Variants in CAPZB observed in about 807,000 individuals in gnomAD.
CAPZB encodes capping actin protein of muscle Z-line subunit beta, also known as F-actin-capping protein subunit beta.
A neutral mutation model predicts 38.1 loss-of-function variants in CAPZB; 2 were observed. That is an observed-to-expected ratio of 0.05 (90% confidence interval 0.02 to 0.17). The LOEUF (loss-of-function observed/expected upper bound fraction) is 0.17, where lower values mean the gene tolerates loss of function less well. Among genes scored for constraint, CAPZB ranks in the 10% least tolerant of loss-of-function variants. The pLI is 1.00. For missense variants in CAPZB, 161 were observed against 334.2 expected (o/e 0.48, Z 4.04); for synonymous variants, 107 against 127.4 (o/e 0.84, Z 1.08).
At chr1:19,362,083 G>A (rs2094056021) in intron 4 of CAPZB, among the ~76,000 whole-genome samples, 1 of 152,172 alleles carries the variant, frequency 6.6e-6, no homozygotes, top group Non-Finnish European at 1.5e-5. Flanking sequence ...GGGAGGAATG[G>A]GCCCAGGACT....
At chr1:19,458,937 G>A (rs2094541812) in intron 1 of CAPZB, among the ~76,000 whole-genome samples, 1 of 152,198 alleles carries the variant, frequency 6.6e-6, no homozygotes, top group South Asian at 2.1e-4. Flanking sequence ...AGGTGGAGAG[G>A]GCACCTCCAT....
intron 1 of CAPZB, among the ~76,000 whole-genome samples, chr1:19,479,228 A>C (rs1026326420): frequency 6.6e-6 from 1 of 152,168 alleles, no homozygotes; most frequent in Non-Finnish European, 1.5e-5. Flanking sequence ...AAACAAAAAA[A>C]AACTAGCTTC....
intron 1 of CAPZB, among the ~76,000 whole-genome samples, chr1:19,463,032 T>G (rs549659825): frequency 6.6e-6 from 1 of 152,358 alleles, no homozygotes; most frequent in East Asian, 1.9e-4. Context: ...GAAGATATCA[T>G]TAATGTGTAA....
chr1:19,428,714 T>C (rs1382910296), intron 1 of CAPZB, among the ~76,000 whole-genome samples: 2 of 152,140 alleles, frequency 1.3e-5, no homozygotes, highest in African/African-American at 4.8e-5. Context: ...TAAACCTGGA[T>C]CTTCTTCGTG....
At chr1:19,383,972 G>T (rs1053331016) in intron 3 of CAPZB, among the ~76,000 whole-genome samples, 2 of 152,078 alleles carry the variant, frequency 1.3e-5, no homozygotes, top group African/African-American at 2.4e-5. Flanking sequence ...ACTCTAGTCT[G>T]TGGTCTGAAG....
At chr1:19,419,807 A>G (rs906039070) in intron 1 of CAPZB, 57 bp from the exon 2 acceptor site, 1 of 1,024,658 alleles carries the variant, frequency 9.8e-7, no homozygotes, top group Non-Finnish European at 1.5e-6. Flanking sequence ...AATATCAAAA[A>G]CTCCTTTTAA....
rs547266126 is a variant in CAPZB at position 19,363,695 on chromosome 1, T to C, written c.330-6132A>G. Among the ~76,000 whole-genome samples, 64 of 152,256 alleles carry C rather than the reference T, an allele frequency of 4.2e-4. 2 individuals carry two copies. The South Asian group carries it at 0.013, about 31-fold the overall frequency. Reference sequence around the variant, plus strand: ...GTGGGGTGGAAACGTGCTCGGGGAATCTGAGCTGTAACTATGAATGACCCA... The same window carrying C: ...GTGGGGTGGAAACGTGCTCGGGGAACCTGAGCTGTAACTATGAATGACCCA... On this transcript the variant is annotated intron_variant, in intron 4 of 8. Transcript: ENST00000264202.
chr1:19,368,540 A>T (rs2094103194), intron 4 of CAPZB, among the ~76,000 whole-genome samples: 2 of 149,930 alleles, frequency 1.3e-5, no homozygotes, highest in Admixed American at 1.3e-4. Flanking sequence ...GAGTTAAAAA[A>T]GGAACCCGCT....
chr1:19,353,662 C>A (rs978421392), intron 6 of CAPZB, among the ~76,000 whole-genome samples: 4 of 152,206 alleles, frequency 2.6e-5, no homozygotes, highest in Admixed American at 6.5e-5. Flanking sequence ...ACTGGCAGAG[C>A]CACCTTCTGA....
At chr1:19,472,815 T>C (rs910866522) in intron 1 of CAPZB, among the ~76,000 whole-genome samples, 5 of 146,932 alleles carry the variant, frequency 3.4e-5, no homozygotes, top group African/African-American at 1.3e-4. Context: ...CCTCCTGGGT[T>C]CACGCCATTC....
intron 1 of CAPZB, among the ~76,000 whole-genome samples, chr1:19,445,529 C>T (rs2094493133): frequency 6.6e-6 from 1 of 152,168 alleles, no homozygotes; most frequent in African/African-American, 2.4e-5. Flanking sequence ...GATCTCACCA[C>T]CTAGAGACTC....
chr1:19,470,334 C>A (rs756030780), intron 1 of CAPZB, among the ~76,000 whole-genome samples: 1 of 152,170 alleles, frequency 6.6e-6, no homozygotes, highest in African/African-American at 2.4e-5. Context: ...CCTATGTACC[C>A]CATAAACATG....
chr1:19,443,436 T>A (rs114458471), intron 1 of CAPZB, among the ~76,000 whole-genome samples: 3,322 of 152,190 alleles, frequency 0.022, 66 homozygotes, highest in Middle Eastern at 0.048. Context: ...TTCCTTTTTT[T>A]AAAATAAGAC....
intron 1 of CAPZB, among the ~76,000 whole-genome samples, chr1:19,449,567 C>G (rs1057154943): frequency 6.6e-6 from 1 of 152,052 alleles, no homozygotes; most frequent in African/African-American, 2.4e-5. Context: ...ACGGGCAGAT[C>G]ACTTGAGATC....
chr1:19,401,490 G>A (rs1205996456), intron 2 of CAPZB, among the ~76,000 whole-genome samples: 1 of 151,954 alleles, frequency 6.6e-6, no homozygotes, highest in Non-Finnish European at 1.5e-5. Context: ...CACTCTTGCT[G>A]GGAATGAAGC....
In CAPZB at chr1:19,481,126, A is replaced by G. The variant is rs142246953; in HGVS notation, c.3+4310T>C. 2.1e-3 allele frequency among the ~76,000 whole-genome samples: 321 copies of G among 152,302 alleles called. 5 individuals are homozygous for G. The South Asian group carries it at 0.024, about 12-fold the overall frequency. On this transcript the variant is annotated intron_variant, in intron 1 of 8. Transcript: ENST00000264202. ...TCTTGTACTATGCTGCCTCCAGCCT[A>G]AAGTTGAACCTACCTTGTCAGGCTG...
chr1:19,464,436 T>C (rs997042415), intron 1 of CAPZB, among the ~76,000 whole-genome samples: 2 of 151,312 alleles, frequency 1.3e-5, no homozygotes, highest in African/African-American at 4.9e-5. Context: ...GGACTACAGG[T>C]GCCCGCCACC....
At chr1:19,443,350 C>T (rs1315212856) in intron 1 of CAPZB, among the ~76,000 whole-genome samples, 3 of 152,154 alleles carry the variant, frequency 2.0e-5, no homozygotes, top group African/African-American at 7.2e-5. Flanking sequence ...GAGCTATGAT[C>T]ACACCACTGT....
intron 6 of CAPZB, among the ~76,000 whole-genome samples, chr1:19,355,962 C>T (rs1569928704): frequency 6.6e-6 from 1 of 152,278 alleles, no homozygotes; most frequent in Non-Finnish European, 1.5e-5. Flanking sequence ...GGAGGCAGTA[C>T]CTTCCAGTCC....
Sources: allele counts gnomAD v4.1 joint callset (sites outside exome capture counted in the v4.1 genomes callset), GRCh38; gene constraint gnomAD v4.1.1; transcripts MANE v1.5; gene names NCBI Gene and HGNC (gene_info 2026-07-23, HGNC 2026-07-21).